The following APLF variants were observed in gnomAD, a reference collection of about 807,000 sequenced individuals.
The protein encoded by APLF is aprataxin and PNK-like factor.
APLF carries 61 observed loss-of-function variants against 55.6 expected under a neutral mutation model. The ratio of observed to expected loss-of-function variants is 1.10; its 90% CI spans 0.89 to 1.36. The LOEUF is 1.36. Ranked by LOEUF, APLF falls within the 40% of genes most tolerant of loss-of-function variation. The pLI is 0.00. For synonymous variants in APLF, 207 were observed against 214.8 expected, an observed-to-expected ratio of 0.96 and a Z score of 0.32; for missense variants, 611 against 602.5, an observed-to-expected ratio of 1.01 and a Z score of -0.15.
intron 1 of APLF, among the ~76,000 whole-genome samples, chr2:68,488,365 G>A (rs1676251950): frequency 1.4e-5 from 2 of 140,282 alleles, no homozygotes; most frequent in South Asian, 2.2e-4. Context: ...GGGTCTCACC[G>A]TGTCCCCCAG....
At chr2:68,550,665 G>GT (rs1293671240) in intron 8 of APLF, among the ~76,000 whole-genome samples, 1 of 150,960 alleles carries the variant, frequency 6.6e-6, no homozygotes, top group Non-Finnish European at 1.5e-5. Flanking sequence ...TTTTCATTCT[G>GT]TTTTTTTCTC....
intron 9 of APLF, among the ~76,000 whole-genome samples, chr2:68,572,212 A>T (rs923533341): frequency 6.6e-6 from 1 of 152,142 alleles, no homozygotes. Context: ...ATAAAAAGAA[A>T]TGAACTTTAT....
chr2:68,534,511 G>A (rs954206906), intron 6 of APLF, among the ~76,000 whole-genome samples: 2 of 152,042 alleles, frequency 1.3e-5, no homozygotes, highest in African/African-American at 2.4e-5. Flanking sequence ...ATGGTTGAGG[G>A]GCAGGGGAAT....
intron 1 of APLF, among the ~76,000 whole-genome samples, chr2:68,470,283 C>T (rs896506197): frequency 2.0e-5 from 3 of 152,090 alleles, no homozygotes; most frequent in Non-Finnish European, 4.4e-5. Context: ...AAATGGAGAA[C>T]AGATTAGTGG....
intron 3 of APLF, among the ~76,000 whole-genome samples, chr2:68,508,065 A>G (rs1471745915): frequency 4.0e-5 from 6 of 151,874 alleles, no homozygotes; most frequent in Non-Finnish European, 8.8e-5. Flanking sequence ...CTCATTCATA[A>G]TAGTAGCATA....
intron 2 of APLF, among the ~76,000 whole-genome samples, chr2:68,501,226 T>C (rs1427299450): frequency 6.6e-6 from 1 of 152,192 alleles, no homozygotes; most frequent in African/African-American, 2.4e-5. Flanking sequence ...CTTATGAAAT[T>C]GAATGGTCAG....
At position 68,551,986 on chromosome 2, in the gene APLF, TTTTG is replaced by T. The variant is rs545906862; in HGVS notation, c.1286+6678_1286+6681del. Among the ~76,000 whole-genome samples the T allele has an allele frequency of 9.2e-4, 140 of 152,256 alleles. 1 individual carries two copies. The highest frequency in any genetic ancestry group is 1.4e-3 in the Non-Finnish European group (97 of 68,000). On this transcript the variant is annotated intron_variant, in intron 8 of 9. Coordinates refer to ENST00000303795, the MANE Select transcript of APLF (RefSeq NM_173545.3). The stretch of plus-strand genomic sequence containing the variant: ...GGAGTTTTATTAAAACTCAGTACAC[TTTTG>T]TTTTATTTCTGCTTGTTTGGCATGG...
In APLF at chr2:68,578,540, C is replaced by T; in HGVS notation, c.*518C>T. 14 of 985,454 alleles carry T rather than the reference C, an allele frequency of 1.4e-5. No individual in the cohort carries two copies. The highest frequency in any genetic ancestry group is 1.7e-5 in the Non-Finnish European group (14 of 830,164). 61.0% of individuals were successfully genotyped at this position (985,454 alleles called of 1,614,324 possible). On this transcript the variant is annotated 3_prime_UTR_variant, in exon 10 of 10. Transcript: ENST00000303795. The stretch of plus-strand genomic sequence containing the variant: ...GTGAGCTTTGCAATTTCACTTACTA[C>T]TTTTATCCTTCAAAACTTGGGAAGA...
chr2:68,576,103 T>C (rs982058714), intron 9 of APLF, among the ~76,000 whole-genome samples: 4 of 152,138 alleles, frequency 2.6e-5, no homozygotes, highest in Non-Finnish European at 5.9e-5. Flanking sequence ...GTAAAGCTGG[T>C]AAGTGATTTC....
At chr2:68,528,351 C>T (rs1670141895) in intron 6 of APLF, 1 of 1,527,024 alleles carries the variant, frequency 6.5e-7, no homozygotes, top group Admixed American at 2.0e-5. Flanking sequence ...AGGCGTCCTT[C>T]TCTTTGGGAA....
At chr2:68,570,090 T>A (rs1230176522) in intron 9 of APLF, among the ~76,000 whole-genome samples, 3 of 152,066 alleles carry the variant, frequency 2.0e-5, no homozygotes, top group Non-Finnish European at 4.4e-5. Flanking sequence ...GGTTCTTCTA[T>A]ACATGTAACA....
At chr2:68,489,202 A>G (rs2103905252) in intron 1 of APLF, among the ~76,000 whole-genome samples, 1 of 152,314 alleles carries the variant, frequency 6.6e-6, no homozygotes, top group South Asian at 2.1e-4. Context: ...AAAAATGAGT[A>G]CTGACTCCTG....
intron 1 of APLF, among the ~76,000 whole-genome samples, chr2:68,468,258 C>T (rs1675495569): frequency 6.6e-6 from 1 of 152,186 alleles, no homozygotes; most frequent in Non-Finnish European, 1.5e-5. Flanking sequence ...TGGTCCTTTA[C>T]AGAAAAGTTT....
At chr2:68,551,603 C>CTTTTTTTTTTTTTTTTTT (rs70954311) in intron 8 of APLF, among the ~76,000 whole-genome samples, 1 of 115,752 alleles carries the variant, frequency 8.6e-6, no homozygotes, top group African/African-American at 3.3e-5. Flanking sequence ...TCTTCTTCTT[C>CTTTTTTTTTTTTTTTTTT]TTTTTTTTTT....
intron 9 of APLF, among the ~76,000 whole-genome samples, chr2:68,575,647 A>G (rs1188751233): frequency 1.3e-5 from 2 of 151,922 alleles, no homozygotes; most frequent in Non-Finnish European, 2.9e-5. Flanking sequence ...TTGAGGTATT[A>G]GATGTTGGGT....
intron 8 of APLF, among the ~76,000 whole-genome samples, chr2:68,554,319 C>T (rs982672299): frequency 6.6e-6 from 1 of 151,984 alleles, no homozygotes; most frequent in Non-Finnish European, 1.5e-5. Flanking sequence ...TTTACTTGTA[C>T]TACTTATACT....
At chr2:68,504,164 T>A (rs1317395636) in intron 3 of APLF, among the ~76,000 whole-genome samples, 3 of 152,012 alleles carry the variant, frequency 2.0e-5, no homozygotes, top group African/African-American at 7.2e-5. Context: ...ATATTCATTT[T>A]AAAAATTGAA....
intron 5 of APLF, among the ~76,000 whole-genome samples, chr2:68,523,428 T>TG (rs1446501992): frequency 2.0e-5 from 3 of 151,966 alleles, no homozygotes; most frequent in African/African-American, 7.2e-5. Context: ...ATCCAGAAAT[T>TG]GCAATCCTAG....
At position 68,467,738 on chromosome 2, in the gene APLF, G is replaced by C; in HGVS notation, c.7G>C (p.Gly3Arg). ...GGCCTAATCCTTGCCCGCCATGTCC[G>C]GGGGCTTCGAGCTGCAGCCGCGGGA... MS[G>R]GFELQPRDGG... is the part of the protein sequence containing the mutation. Residue 3 changes from glycine (G) to arginine (R), a missense_variant, in exon 1 of 10, where the codon GGG (glycine) becomes CGG (arginine). By Grantham distance (125) the Gly-to-Arg change is moderately radical (BLOSUM62 -2). Transcript: ENST00000303795. 8.1e-7 allele frequency: 1 copy of C among 1,234,958 alleles called. No homozygotes were observed. 76.5% of individuals were successfully genotyped at this position (1,234,958 alleles called of 1,614,324 possible).
Sources: allele counts gnomAD v4.1 joint callset (sites outside exome capture counted in the v4.1 genomes callset), GRCh38; gene constraint gnomAD v4.1.1; transcripts MANE v1.5; gene names NCBI Gene and HGNC (gene_info 2026-07-23, HGNC 2026-07-21).